The following PDE8A variants were observed in gnomAD, a reference collection of about 807,000 sequenced individuals.
PDE8A encodes the protein high affinity cAMP-specific and IBMX-insensitive 3',5'-cyclic phosphodiesterase 8A.
In PDE8A, 59 loss-of-function variants were observed where a neutral mutation model predicts 105.0. That is an observed-to-expected ratio of 0.56 (90% confidence interval 0.46 to 0.70). The LOEUF (loss-of-function observed/expected upper bound fraction) is 0.70. Among genes scored for constraint, PDE8A ranks in the 30% least tolerant of loss-of-function variants. The pLI is 0.00. For missense variants in PDE8A, 1,014 were observed against 1,045.9 expected (o/e 0.97, Z 0.42); for synonymous variants, 355 against 371.9 (o/e 0.95, Z 0.52).
rs116311623 is a variant in PDE8A, at chr15:85,096,506, T to A, written c.853-1442T>A. Among the ~76,000 whole-genome samples the A allele has an allele frequency of 1.9e-3, 283 of 152,268 alleles. 1 individual carries two copies. Among genetic ancestry groups the A allele is most frequent in the African/African-American group, 6.6e-3 (273 of 41,564 alleles). Reference sequence around the variant, plus strand: ...TTGGTGGTTCTTAGTATATTCACAGTTTTGCAAATGTCACAATTAATTTCC... The same window carrying A: ...TTGGTGGTTCTTAGTATATTCACAGATTTGCAAATGTCACAATTAATTTCC... On this transcript the variant is annotated intron_variant, in intron 8 of 21. Coordinates refer to ENST00000394553, the MANE Select transcript of PDE8A (RefSeq NM_002605.3).
At chr15:85,105,762 C>T (rs1243667131) in intron 11 of PDE8A, among the ~76,000 whole-genome samples, 2 of 152,216 alleles carry the variant, frequency 1.3e-5, no homozygotes, top group Non-Finnish European at 2.9e-5. Flanking sequence ...TCTCCACTGG[C>T]AGGCCGGATA....
At chr15:85,047,313 A>C (rs1027204008) in intron 1 of PDE8A, among the ~76,000 whole-genome samples, 8 of 152,238 alleles carry the variant, frequency 5.3e-5, no homozygotes, top group Non-Finnish European at 1.0e-4. Context: ...TAGAGCAGTC[A>C]GGAAGTTGTT....
At chr15:84,984,541 T>G (rs947678272) in intron 1 of PDE8A, among the ~76,000 whole-genome samples, 8 of 152,228 alleles carry the variant, frequency 5.3e-5, no homozygotes, top group Non-Finnish European at 1.0e-4. Context: ...TAAGTGAATT[T>G]CAACAAGAAA....
chr15:85,123,217 G>T lies in PDE8A; in HGVS notation c.2085+24G>T. 3 of 1,612,804 alleles carry T rather than the reference G, an allele frequency of 1.9e-6. No individual in the cohort carries two copies. In the South Asian group the frequency reaches 3.3e-5, roughly 18 times the overall value. On this transcript the variant is annotated intron_variant, in intron 19 of 21. Transcript: ENST00000394553. ...GGGTAAGGGAAACTTATTGCAAAGAGAACCTGTGTTTGGGGTCCTTGTACT... is the reference window on the plus strand; with the variant it reads ...GGGTAAGGGAAACTTATTGCAAAGATAACCTGTGTTTGGGGTCCTTGTACT...
intron 1 of PDE8A, among the ~76,000 whole-genome samples, chr15:85,030,482 A>G (rs1056318819): frequency 7.9e-5 from 12 of 152,062 alleles, no homozygotes; most frequent in African/African-American, 2.7e-4. Flanking sequence ...CCTGAGAGCT[A>G]TTGGTGTCTG....
chr15:85,094,337 G>A (rs1555477980), intron 8 of PDE8A, among the ~76,000 whole-genome samples: 3 of 152,190 alleles, frequency 2.0e-5, no homozygotes, highest in African/African-American at 7.2e-5. Context: ...CTGTGCCTTT[G>A]CTTTCCTCTC....
At chr15:85,104,535 C>A (rs1174651508) in intron 11 of PDE8A, among the ~76,000 whole-genome samples, 1 of 151,698 alleles carries the variant, frequency 6.6e-6, no homozygotes, top group East Asian at 2.0e-4. Context: ...CTCAGGAGCC[C>A]AATCAGAGAC....
chr15:85,113,550 G>A (rs1443631975), intron 13 of PDE8A, 103 bp downstream of exon 13: 1 of 1,012,924 alleles, frequency 9.9e-7, no homozygotes. Context: ...TAATGAGCAT[G>A]CTGTCATAGT....
intron 16 of PDE8A, 86 bp downstream of exon 16, chr15:85,116,205 C>A: frequency 7.1e-7 from 1 of 1,404,640 alleles, no homozygotes; most frequent in Non-Finnish European, 9.9e-7. Context: ...GGATTGTGCA[C>A]AAGCCTGGTA....
Position 85,085,978 on chromosome 15 carries a change from C to T in PDE8A, c.635+2334C>T, listed in dbSNP as rs572127273. Among the ~76,000 whole-genome samples, 621 of 151,086 alleles carry T rather than the reference C, an allele frequency of 4.1e-3. 5 individuals are homozygous for T. Among genetic ancestry groups the T allele is most frequent in the Middle Eastern group, 0.01 (3 of 294 alleles). On this transcript the variant is annotated intron_variant, in intron 6 of 21. Transcript: ENST00000394553. ...AGTGAGCTGAGATCGAGCCACTGCA[C>T]TCCAGCCTGGGCAACAAGAGCAAAA...
intron 3 of PDE8A, among the ~76,000 whole-genome samples, chr15:85,072,154 C>A (rs1269865716): frequency 1.3e-5 from 2 of 152,194 alleles, no homozygotes; most frequent in Non-Finnish European, 2.9e-5. Context: ...ATCCTTTATA[C>A]CATTATAAAT....
intron 1 of PDE8A, among the ~76,000 whole-genome samples, chr15:85,018,361 T>G (rs1000079373): frequency 6.6e-6 from 1 of 152,224 alleles, no homozygotes; most frequent in African/African-American, 2.4e-5. Flanking sequence ...GATTTTTTGT[T>G]GTTAAAAAAT....
At chr15:85,071,368 C>G (rs974890076) in intron 3 of PDE8A, among the ~76,000 whole-genome samples, 1 of 152,232 alleles carries the variant, frequency 6.6e-6, no homozygotes, top group Non-Finnish European at 1.5e-5. Flanking sequence ...CCCCTGCCAT[C>G]CCTGCTGCCC....
At chr15:85,125,289 C>G (rs1016305782) in intron 19 of PDE8A, among the ~76,000 whole-genome samples, 1 of 152,140 alleles carries the variant, frequency 6.6e-6, no homozygotes. Flanking sequence ...ATGACTAACT[C>G]CTTTGGAATG....
At chr15:85,121,135 C>G (rs2082175296) in intron 18 of PDE8A, 121 bp downstream of exon 18, 5 of 648,686 alleles carry the variant, frequency 7.7e-6, no homozygotes, top group Middle Eastern at 4.3e-4. Context: ...ATACAGTGGG[C>G]CGGACATAGT....
At chr15:85,058,779 G>T (rs2081101406) in intron 1 of PDE8A, among the ~76,000 whole-genome samples, 1 of 152,034 alleles carries the variant, frequency 6.6e-6, no homozygotes, top group African/African-American at 2.4e-5. Flanking sequence ...TTGGTAATTT[G>T]AGTCATTTTT....
chr15:85,067,067 A>G lies in PDE8A; in HGVS notation c.297A>G (p.Ala99=). ...EDNQCNGFCR[A]CEKAGFKCTV... ...ACCAATGTAATGGATTCTGCAGGGCATGTGAAAAAGCAGGGTTTAAGTGTA... is the reference window on the plus strand; with the variant it reads ...ACCAATGTAATGGATTCTGCAGGGCGTGTGAAAAAGCAGGGTTTAAGTGTA... The change falls in exon 3 of 22, where the codon GCA becomes GCG. Residue 99 remains alanine, a synonymous_variant. Transcript: ENST00000394553. The G allele has an allele frequency of 2.5e-6, 4 of 1,613,812 alleles. No individual in the cohort carries two copies. Among genetic ancestry groups the G allele is most frequent in the South Asian group, 1.1e-5 (1 of 91,066 alleles).
At chr15:85,087,743 G>T (rs2081578091) in intron 6 of PDE8A, among the ~76,000 whole-genome samples, 1 of 152,110 alleles carries the variant, frequency 6.6e-6, no homozygotes, top group South Asian at 2.1e-4. Flanking sequence ...GAAAATTATT[G>T]ATATGGAAAG....
chr15:85,118,366 T>C (rs1426201379), intron 17 of PDE8A, among the ~76,000 whole-genome samples: 1 of 152,130 alleles, frequency 6.6e-6, no homozygotes, highest in Non-Finnish European at 1.5e-5. Context: ...ATCTGGTTGA[T>C]CATCTGACCT....
Sources: gnomAD v4.1 joint callset for allele counts (sites outside exome capture counted in the v4.1 genomes callset) on GRCh38, gnomAD v4.1.1 for gene constraint, MANE v1.5 for transcripts, NCBI Gene and HGNC (gene_info 2026-07-23, HGNC 2026-07-21) for gene names.